The following KLHL32 variants were observed in gnomAD, a reference collection of about 807,000 sequenced individuals.
KLHL32 encodes the protein kelch like family member 32.
KLHL32 carries 35 observed loss-of-function variants against 64.8 expected under a neutral mutation model. That is an observed-to-expected ratio of 0.54 (90% CI 0.41 to 0.72). KLHL32 has a LOEUF of 0.72. Ranked by LOEUF, KLHL32 falls within the 30% of genes least tolerant of loss-of-function variation. The pLI is 0.00. For synonymous variants in KLHL32, 259 were observed against 281.0 expected (o/e 0.92, Z 0.78); for missense variants, 589 against 768.5 (o/e 0.77, Z 2.76).
In KLHL32 at chr6:96,924,801, G is replaced by GCGCACACA. The variant is rs879144649; in HGVS notation, c.-290_-289insGCACACAC. 5 of 148,908 alleles carry GCGCACACA rather than the reference G, an allele frequency of 3.4e-5. No homozygotes were observed. The highest frequency in any genetic ancestry group is 6.7e-5 in the Admixed American group (1 of 15,012). 9.2% of individuals were successfully genotyped at this position (148,908 alleles called of 1,614,324 possible). A position where few individuals can be genotyped will look rare whatever the true frequency, so the allele number is the denominator to read the frequency against. On this transcript the variant is annotated 5_prime_UTR_variant, in exon 1 of 11. Coordinates refer to ENST00000369261, the MANE Select transcript of KLHL32 (RefSeq NM_052904.4). Reference sequence around the variant, plus strand: ...CAGTCGCGCGCACACACGCACGCAGGCACACACACACACACACACACACAC... The same window carrying GCGCACACA: ...CAGTCGCGCGCACACACGCACGCAGGCGCACACACACACACACACACACACACACACAC...
chr6:97,057,798 A>G (rs1171331030), intron 4 of KLHL32, among the ~76,000 whole-genome samples: 1 of 152,140 alleles, frequency 6.6e-6, no homozygotes, highest in Non-Finnish European at 1.5e-5. Flanking sequence ...TTGGTGCTGT[A>G]TCTAAAGAGT....
At chr6:96,967,425 G>GTA (rs766082134) in intron 2 of KLHL32, among the ~76,000 whole-genome samples, 3,175 of 149,364 alleles carry the variant, frequency 0.021, 106 homozygotes, top group African/African-American at 0.07. Context: ...ATGTGTGTGT[G>GTA]TATATATATA....
chr6:96,907,073 T>C, the KLHL32 span, among the ~76,000 whole-genome samples: 1 of 149,038 alleles, frequency 6.7e-6, no homozygotes, highest in Non-Finnish European at 1.5e-5. Flanking sequence ...ATATATTTAC[T>C]GTAAGAAATT....
intron 7 of KLHL32, among the ~76,000 whole-genome samples, chr6:97,120,824 A>G (rs189671281): frequency 8.1e-4 from 123 of 152,304 alleles, no homozygotes; most frequent in Admixed American, 3.0e-3. Flanking sequence ...GAAGAATTAA[A>G]TCTTTGTTGC....
intron 1 of KLHL32, among the ~76,000 whole-genome samples, chr6:96,928,113 T>C (rs1190280052): frequency 1.3e-5 from 2 of 152,148 alleles, no homozygotes; most frequent in Admixed American, 1.3e-4. Context: ...GAGTTATGTG[T>C]TAAATGTTAC....
chr6:97,132,740 G>C lies in KLHL32; in HGVS notation c.1694G>C (p.Cys565Ser). The change falls in exon 10 of 11, where the codon TGT (cysteine) becomes TCT (serine). Residue 565 changes from cysteine to serine, a missense_variant. Physicochemically the swap from Cys to Ser is moderately radical, Grantham distance 112 (BLOSUM62 -1). Around this residue, in one of 3 missense-constraint regions of KLHL32, gnomAD observed 172 missense variants for 192.0 expected, o/e 0.90. Transcript: ENST00000369261. ...ATTTGGACAAATGAGCCTCTGGCTT[G>C]TATCCAGGTGAGTGGTAGAAGTTCC... ...YSIWTNEPLA[C>S]IQVLDVSREG... 1 of 1,608,250 alleles carries C rather than the reference G, an allele frequency of 6.2e-7. No individual in the cohort carries two copies.
intron 2 of KLHL32, among the ~76,000 whole-genome samples, chr6:96,973,650 T>C (rs1775350972): frequency 6.6e-6 from 1 of 152,156 alleles, no homozygotes; most frequent in East Asian, 1.9e-4. Flanking sequence ...TTGAGATTCA[T>C]TATACATAAT....
rs760843608 is a variant in KLHL32, at chr6:97,085,250, CAGA to C, written c.542_544del (p.Glu181del). On this transcript the variant is annotated inframe_deletion, in exon 6 of 11. Transcript: ENST00000369261. ...CTCTCTGAACTCCTGAAGAGCCGCC[CAGA>C]AGAAGTTCTAACGCTTCCCTATTGC... 4 of 1,613,876 alleles carry C rather than the reference CAGA, an allele frequency of 2.5e-6. No individual in the cohort carries two copies. Among genetic ancestry groups the C allele is most frequent in the African/African-American group, 1.3e-5 (1 of 74,926 alleles).
rs1212800898 is a variant in KLHL32 at position 97,020,335 on chromosome 6, A to T, written c.205-21157A>T. ...AGAAATACAATATAAAAAATGAAAA[A>T]AGGTGTTATCTAGAGATGAAAATAA... is the stretch of plus-strand genomic sequence containing the variant. On this transcript the variant is annotated intron_variant, in intron 3 of 10. Transcript: ENST00000369261. Among the ~76,000 whole-genome samples the T allele has an allele frequency of 2.6e-5, 4 of 151,066 alleles. 1 individual carries two copies. Among genetic ancestry groups the T allele is most frequent in the African/African-American group, 9.9e-5 (4 of 40,328 alleles).
At chr6:97,082,020 A>G (rs751786420) in intron 5 of KLHL32, among the ~76,000 whole-genome samples, 17 of 152,242 alleles carry the variant, frequency 1.1e-4, no homozygotes, top group African/African-American at 3.1e-4. Context: ...CAAATAACTT[A>G]TCAGACTTAT....
At chr6:96,999,180 G>A (rs1418731130) in intron 3 of KLHL32, among the ~76,000 whole-genome samples, 1 of 152,148 alleles carries the variant, frequency 6.6e-6, no homozygotes, top group African/African-American at 2.4e-5. Context: ...AGGATCATTT[G>A]AGCCCAGGAG....
intron 3 of KLHL32, among the ~76,000 whole-genome samples, chr6:96,978,976 C>T (rs571336001): frequency 6.4e-4 from 97 of 151,976 alleles, no homozygotes; most frequent in African/African-American, 2.2e-3. Context: ...GTCTTTTGCC[C>T]CCTTTTTTTA....
intron 5 of KLHL32, among the ~76,000 whole-genome samples, chr6:97,076,495 C>T (rs1791605854): frequency 6.6e-6 from 1 of 152,136 alleles, no homozygotes; most frequent in Non-Finnish European, 1.5e-5. Context: ...TTAACCACTT[C>T]CTGAGGCCAT....
At chr6:96,911,547 C>T in the KLHL32 span, among the ~76,000 whole-genome samples, 44 of 152,192 alleles carry the variant, frequency 2.9e-4, no homozygotes, top group Non-Finnish European at 5.1e-4. Context: ...CCTTCTACCC[C>T]GAATCTCTTC....
intron 4 of KLHL32, among the ~76,000 whole-genome samples, chr6:97,060,312 G>T (rs1015527983): frequency 6.6e-6 from 1 of 152,200 alleles, no homozygotes; most frequent in South Asian, 2.1e-4. Flanking sequence ...AAGAGGCTAG[G>T]TATAAGGGAG....
intron 1 of KLHL32, among the ~76,000 whole-genome samples, chr6:96,925,708 C>G (rs966210406): frequency 6.6e-6 from 1 of 152,200 alleles, no homozygotes; most frequent in Admixed American, 6.5e-5. Flanking sequence ...AACAGGAATA[C>G]GTTTGTGAAT....
At chr6:97,035,504 T>C (rs1468329491) in intron 3 of KLHL32, among the ~76,000 whole-genome samples, 1 of 152,174 alleles carries the variant, frequency 6.6e-6, no homozygotes, top group Non-Finnish European at 1.5e-5. Context: ...CTTAGCCATT[T>C]TGTGTAAAAT....
At chr6:96,957,448 A>C (rs1445113690) in intron 1 of KLHL32, among the ~76,000 whole-genome samples, 1 of 152,084 alleles carries the variant, frequency 6.6e-6, no homozygotes, top group African/African-American at 2.4e-5. Flanking sequence ...TCATACAAAT[A>C]ATTTCTGTAC....
intron 4 of KLHL32, among the ~76,000 whole-genome samples, chr6:97,060,822 T>C (rs1223152353): frequency 1.3e-5 from 2 of 152,194 alleles, no homozygotes; most frequent in Non-Finnish European, 2.9e-5. Context: ...TTGTGGGTTT[T>C]ACACTATTAC....
Sources: allele counts gnomAD v4.1 joint callset (sites outside exome capture counted in the v4.1 genomes callset), GRCh38; gene constraint gnomAD v4.1.1; regional missense constraint gnomAD v4.1.1; transcripts MANE v1.5; gene names NCBI Gene and HGNC (gene_info 2026-07-23, HGNC 2026-07-21).